The following RDH12 variants were observed in gnomAD, a reference collection of about 807,000 sequenced individuals.
RDH12 encodes the protein all-trans and 9-cis retinol dehydrogenase.
RDH12 carries 21 observed loss-of-function variants against 34.0 expected under a neutral mutation model. The ratio of observed to expected loss-of-function variants is 0.62; its 90% CI spans 0.44 to 0.89. RDH12 has a LOEUF of 0.89. RDH12 is among the 40% of genes least tolerant of loss of function. RDH12 has a pLI of 0.00. For missense variants in RDH12, 394 were observed against 398.6 expected, an observed-to-expected ratio of 0.99 and a Z score of 0.10; for synonymous variants, 198 against 169.9, an observed-to-expected ratio of 1.17 and a Z score of -1.29.
rs952832726 is a variant in RDH12, at chr14:67,729,329, T to G, written c.797T>G (p.Leu266Arg). 6.3e-6 allele frequency: 10 copies of G among 1,599,558 alleles called. No homozygotes were observed. The highest frequency in any genetic ancestry group is 8.5e-6 in the Non-Finnish European group (10 of 1,179,854). Residue 266 changes from leucine to arginine, a missense_variant, in exon 8 of 9, where the codon CTG becomes CGG. Physicochemically the swap from Leu to Arg is moderately radical, Grantham distance 102. Transcript: ENST00000551171. ...GCACGGGAGGGGGCGCAGACCAGCC[T>G]GCACTGCGCCCTGGCTGAGGGCCTG... is the stretch of plus-strand genomic sequence containing the variant. ...KTAREGAQTSLHCALAEGLEP... is the reference protein window; with the variant it reads ...KTAREGAQTSRHCALAEGLEP...
At chr14:67,713,893 A>G (rs2038039252) in intron 1 of RDH12, among the ~76,000 whole-genome samples, 1 of 152,164 alleles carries the variant, frequency 6.6e-6, no homozygotes, top group Non-Finnish European at 1.5e-5. Flanking sequence ...GTGAGAGAAA[A>G]ACAGCTGCAT....
chr14:67,722,511 C>T lies in RDH12; in HGVS notation c.-132C>T. On this transcript the variant is annotated 5_prime_UTR_variant, in exon 3 of 9. Coordinates refer to ENST00000551171, the MANE Select transcript of RDH12 (RefSeq NM_152443.3). ...TGCTCAGAGTCAGGCTGCTGCTCAG[C>T]ACCCAGGACGGAGAGGAGCAGAGAA... The T allele has an allele frequency of 1.2e-6, 1 of 807,450 alleles. No individual in the cohort carries two copies. The highest frequency in any genetic ancestry group is 1.3e-5 in the South Asian group (1 of 74,546). 50.0% of individuals were successfully genotyped at this position (807,450 alleles called of 1,614,324 possible). A position where few individuals can be genotyped will look rare whatever the true frequency, so the allele number is the denominator to read the frequency against.
intron 1 of RDH12, among the ~76,000 whole-genome samples, chr14:67,708,213 A>T (rs962549139): frequency 9.2e-5 from 14 of 152,174 alleles, no homozygotes; most frequent in African/African-American, 3.4e-4. Flanking sequence ...AGTTTTCTTG[A>T]CTCTGAAAAA....
At position 67,725,207 on chromosome 14, in the gene RDH12, T is replaced by C; in HGVS notation, c.296T>C (p.Leu99Pro). 1 of 1,614,080 alleles carries C rather than the reference T, an allele frequency of 6.2e-7. No homozygotes were observed. The highest frequency in any genetic ancestry group is 8.5e-7 in the Non-Finnish European group (1 of 1,180,034). The change falls in exon 5 of 9, where the codon CTA becomes CCA. Residue 99 changes from leucine to proline, a missense_variant. By Grantham distance (98) the Leu-to-Pro change is moderately conservative. Transcript: ENST00000551171. ...CAGGTGCTGGTGCGGAAATTGGACC[T>C]ATCCGACACCAAATCTATCCGAGCC... The part of the protein sequence containing the change: ...NSQVLVRKLD[L>P]SDTKSIRAFA...
At chr14:67,712,111 G>C (rs776460627) in intron 1 of RDH12, among the ~76,000 whole-genome samples, 7 of 151,966 alleles carry the variant, frequency 4.6e-5, no homozygotes, top group Admixed American at 2.0e-4. Context: ...GTAGAGACAC[G>C]GTTTCACCAT....
chr14:67,703,828 A>T (rs141579278), intron 1 of RDH12, among the ~76,000 whole-genome samples: 2 of 152,056 alleles, frequency 1.3e-5, no homozygotes, highest in African/African-American at 4.8e-5. Context: ...GGTGCATACC[A>T]CCGTGCCTGG....
At chr14:67,724,788 T>A in intron 4 of RDH12, among the ~76,000 whole-genome samples, 197 bp downstream of exon 4, 1 of 152,238 alleles carries the variant, frequency 6.6e-6, no homozygotes, top group East Asian at 1.9e-4. Context: ...TCCTATTCCC[T>A]CTCTATTAAA....
chr14:67,727,156 G>A lies in RDH12; in HGVS notation c.624G>A (p.Val208=), dbSNP rs2140145621. 1.9e-6 allele frequency: 3 copies of A among 1,613,960 alleles called. No homozygotes were observed. Among genetic ancestry groups the A allele is most frequent in the African/African-American group, 1.3e-5 (1 of 75,072 alleles). Residue 208 remains valine, a synonymous_variant, in exon 7 of 9, where the codon GTG becomes GTA. Coordinates refer to ENST00000551171, the MANE Select transcript of RDH12 (RefSeq NM_152443.3). ...ATTGCCACAGCAAGCTGGCCAATGT[G>A]CTTTTTACTCGTGAGCTGGCCAAGA... The part of the protein sequence containing the change: ...FAYCHSKLAN[V]LFTRELAKRL...
intron 1 of RDH12, 113 bp downstream of exon 1, chr14:67,702,048 C>G (rs1417186945): frequency 6.6e-6 from 1 of 152,152 alleles, no homozygotes; most frequent in Admixed American, 6.5e-5. Flanking sequence ...AACTCCTGAT[C>G]TCAAATGATC....
At chr14:67,723,640 A>G (rs2038150887) in intron 3 of RDH12, among the ~76,000 whole-genome samples, 1 of 152,182 alleles carries the variant, frequency 6.6e-6, no homozygotes, top group African/African-American at 2.4e-5. Flanking sequence ...TGCCACCACT[A>G]TGTGACATGA....
At chr14:67,728,743 C>G (rs200818643) in intron 7 of RDH12, among the ~76,000 whole-genome samples, 1 of 150,506 alleles carries the variant, frequency 6.6e-6, no homozygotes, top group East Asian at 2.0e-4. Context: ...GCATCACCAT[C>G]CCTCAATCTA....
intron 5 of RDH12, among the ~76,000 whole-genome samples, 185 bp from the exon 6 acceptor site, chr14:67,725,866 T>C (rs1000338333): frequency 6.6e-6 from 1 of 152,200 alleles, no homozygotes; most frequent in Admixed American, 6.5e-5. Flanking sequence ...AAATGAAGGA[T>C]AGTTATTGAG....
At position 67,733,970 on chromosome 14, in the gene RDH12, C is replaced by G. The variant is rs374304561; in HGVS notation, c.*122C>G. ...GCTGGTGCTGCGAATCCTGCCTGCT[C>G]TGATCCTCTTGACCCTTCTGGGAAT... is the stretch of plus-strand genomic sequence containing the variant. On this transcript the variant is annotated 3_prime_UTR_variant, in exon 9 of 9. Coordinates refer to ENST00000551171, the MANE Select transcript of RDH12 (RefSeq NM_152443.3). 8 of 705,122 alleles carry G rather than the reference C, an allele frequency of 1.1e-5. 1 individual carries two copies. Among genetic ancestry groups the G allele is most frequent in the East Asian group, 8.9e-5 (3 of 33,780 alleles). 43.7% of individuals were successfully genotyped at this position (705,122 alleles called of 1,614,324 possible). A position where few individuals can be genotyped will look rare whatever the true frequency, so the allele number is the denominator to read the frequency against.
chr14:67,710,921 T>G (rs537840874), intron 1 of RDH12, among the ~76,000 whole-genome samples: 1 of 152,328 alleles, frequency 6.6e-6, no homozygotes, highest in South Asian at 2.1e-4. Context: ...ATGAAAACTG[T>G]GATAGTCATC....
chr14:67,727,270 G>T, intron 7 of RDH12, 80 bp downstream of exon 7: 2 of 1,045,344 alleles, frequency 1.9e-6, no homozygotes, highest in Non-Finnish European at 1.4e-6. Context: ...AAGTCAGGCT[G>T]TCAAACATGC....
chr14:67,722,497 A>G lies in RDH12; in HGVS notation c.-146A>G, dbSNP rs1023520547. On this transcript the variant is annotated 5_prime_UTR_variant, in exon 3 of 9. Coordinates refer to ENST00000551171, the MANE Select transcript of RDH12 (RefSeq NM_152443.3). ...AGGATTCTGGGCTCTGCTCAGAGTC[A>G]GGCTGCTGCTCAGCACCCAGGACGG... 3 of 778,736 alleles carry G rather than the reference A, an allele frequency of 3.9e-6. No homozygotes were observed. Among genetic ancestry groups the G allele is most frequent in the Non-Finnish European group, 7.1e-6 (3 of 422,580 alleles). 48.2% of individuals were successfully genotyped at this position (778,736 alleles called of 1,614,324 possible).
At chr14:67,731,199 CTTTCTTTCTTTTTT>C (rs1314536816) in intron 8 of RDH12, among the ~76,000 whole-genome samples, 1 of 123,552 alleles carries the variant, frequency 8.1e-6, no homozygotes, top group African/African-American at 3.1e-5. Flanking sequence ...CATCATATTT[CTTTCTTTCTTTTTT>C]TTTTTTTTTT....
In RDH12 at chr14:67,733,806, A is replaced by G. The variant is rs768677113; in HGVS notation, c.909A>G (p.Leu303=). The G allele has an allele frequency of 7.4e-6, 12 of 1,613,196 alleles. No homozygotes were observed. Among genetic ancestry groups the G allele is most frequent in the African/African-American group, 1.3e-5 (1 of 74,912 alleles). ...RARNNKTAER[L]WNVSCELLGI... is the part of the protein sequence containing the mutation. ...GAAATAACAAAACAGCTGAGCGCCT[A>G]TGGAATGTCAGCTGTGAGCTTCTAG... Residue 303 remains leucine (L), a synonymous_variant, in exon 9 of 9, where the codon CTA becomes CTG. Transcript: ENST00000551171.
At chr14:67,721,088 G>T (rs893263602) in intron 2 of RDH12, among the ~76,000 whole-genome samples, 186 bp downstream of exon 2, 5 of 152,178 alleles carry the variant, frequency 3.3e-5, no homozygotes, top group Non-Finnish European at 7.3e-5. Flanking sequence ...GTGTGTTGAG[G>T]ATGAACTGAT....
Sources: allele counts gnomAD v4.1 joint callset (sites outside exome capture counted in the v4.1 genomes callset), GRCh38; gene constraint gnomAD v4.1.1; transcripts MANE v1.5; gene names NCBI Gene and HGNC (gene_info 2026-07-23, HGNC 2026-07-21).